Variants in PEG3 observed in about 807,000 individuals in gnomAD.
PEG3 encodes paternally expressed 3, also known as paternally-expressed gene 3 protein.
PEG3 carries 23 observed loss-of-function variants against 35.5 expected under a neutral mutation model. The observed-to-expected ratio is 0.65, with a 90% CI of 0.47 to 0.92. The LOEUF is 0.92. Ranked by LOEUF, PEG3 falls within the 40% of genes least tolerant of loss-of-function variation. The pLI, the probability that PEG3 is intolerant of heterozygous loss-of-function variation, is 0.00. For synonymous variants in PEG3, 707 were observed against 697.0 expected (o/e 1.01, Z -0.23); for missense variants, 1,960 against 1,985.3 (o/e 0.99, Z 0.24).
In PEG3 at chr19:56,810,857, T is replaced by C; in HGVS notation, c.*2818A>G. 1 of 967,314 alleles carries C rather than the reference T, an allele frequency of 1.0e-6. No individual in the cohort carries two copies. The highest frequency in any genetic ancestry group is 1.2e-6 in the Non-Finnish European group (1 of 813,454). The allele number at this position is 967,314 out of a possible 1,614,324, so 59.9% of individuals were successfully genotyped here. ...AAATAATTTACTTTATTTTCTAATT[T>C]TTCCTCTGGGTATGTATTATGCACA... On this transcript the variant is annotated 3_prime_UTR_variant, in exon 10 of 10. Transcript: ENST00000326441.
In PEG3 at chr19:56,815,938, A is replaced by G. The variant is rs2059936621; in HGVS notation, c.2504T>C (p.Ile835Thr). ...SEGREYSRSV[I>T]HSLVASKPPR... The stretch of plus-strand genomic sequence containing the variant: ...AGGTTTGGAAGCCACTAAGCTATGG[A>G]TAACAGACCTACTGTATTCCCTTCC... Residue 835 changes from isoleucine to threonine, a missense_variant, in exon 10 of 10, where the codon ATC (isoleucine) becomes ACC (threonine). Around this residue, in one of 5 missense-constraint regions of PEG3, gnomAD observed 798 missense variants for 782.4 expected, o/e 1.02. Coordinates refer to ENST00000326441, the MANE Select transcript of PEG3 (RefSeq NM_006210.3). The G allele has an allele frequency of 5.6e-6, 9 of 1,603,968 alleles. No individual in the cohort carries two copies. The highest frequency in any genetic ancestry group is 1.1e-5 in the South Asian group (1 of 89,252).
chr19:56,839,537 C>A lies in PEG3; in HGVS notation c.-250+1045G>T, dbSNP rs911557968. 1.4e-4 allele frequency among the ~76,000 whole-genome samples: 21 copies of A among 152,018 alleles called. 1 individual carries two copies. Among genetic ancestry groups the A allele is most frequent in the Admixed American group, 9.2e-4 (14 of 15,284 alleles). On this transcript the variant is annotated intron_variant, in intron 1 of 9. Coordinates refer to ENST00000326441, the MANE Select transcript of PEG3 (RefSeq NM_006210.3). ...CTGCGCAGCAAACCTCAGCAGCCCC[C>A]ATCAAACATGGCGTCAAAGCGGGCG...
Position 56,813,577 on chromosome 19 carries a change from A to C in PEG3, c.*98T>G, listed in dbSNP as rs2059689795. Reference sequence around the variant, plus strand: ...TCAGGTGTGTAACACACTAAGGTTAAGTCTCCTACTGACATTATCATGGAT... The same window carrying C: ...TCAGGTGTGTAACACACTAAGGTTACGTCTCCTACTGACATTATCATGGAT... On this transcript the variant is annotated 3_prime_UTR_variant, in exon 10 of 10. Coordinates refer to ENST00000326441, the MANE Select transcript of PEG3 (RefSeq NM_006210.3). The C allele has an allele frequency of 3.4e-6, 5 of 1,475,736 alleles. No individual in the cohort carries two copies. The highest frequency in any genetic ancestry group is 1.4e-5 in the South Asian group (1 of 71,278). The allele number at this position is 1,475,736 out of a possible 1,614,324, so 91.4% of individuals were successfully genotyped here.
chr19:56,816,958 A>G lies in PEG3; in HGVS notation c.1484T>C (p.Val495Ala). 1 of 1,614,096 alleles carries G rather than the reference A, an allele frequency of 6.2e-7. No homozygotes were observed. Among genetic ancestry groups the G allele is most frequent in the Middle Eastern group, 1.6e-4 (1 of 6,062 alleles). ...SFIHSVAVSE[V>A]QKSQVGGKRF... ...TTTCCCTCCAACCTGACTTTTCTGAACTTCACTGACAGCCACACTGTGGAT... is the reference window on the plus strand; with the variant it reads ...TTTCCCTCCAACCTGACTTTTCTGAGCTTCACTGACAGCCACACTGTGGAT... Residue 495 changes from valine to alanine, a missense_variant, in exon 10 of 10, where the codon GTT becomes GCT. Physicochemically the swap from Val to Ala is moderately conservative, Grantham distance 64. Coordinates refer to ENST00000326441, the MANE Select transcript of PEG3 (RefSeq NM_006210.3).
intron 7 of PEG3, among the ~76,000 whole-genome samples, chr19:56,821,135 T>C (rs1019824426): frequency 2.0e-5 from 3 of 152,260 alleles, no homozygotes; most frequent in African/African-American, 7.2e-5. Flanking sequence ...TGAGTGACTT[T>C]TCACAGCAGC....
chr19:56,824,761 A>T lies in PEG3; in HGVS notation c.-86-20T>A. 1 of 1,087,754 alleles carries T rather than the reference A, an allele frequency of 9.2e-7. No homozygotes were observed. Among genetic ancestry groups the T allele is most frequent in the South Asian group, 1.6e-5 (1 of 62,764 alleles). The allele number at this position is 1,087,754 out of a possible 1,614,324, so 67.4% of individuals were successfully genotyped here. ...AGGGACCTGTGGATCGTAAGGAGAT[A>T]TACACATGTCCCAGAAGTTGAAGAC... On this transcript the variant is annotated intron_variant, in intron 3 of 9. Transcript: ENST00000326441.
At chr19:56,839,511 C>G (rs1230350733) in intron 1 of PEG3, among the ~76,000 whole-genome samples, 1 of 151,878 alleles carries the variant, frequency 6.6e-6, no homozygotes, top group South Asian at 2.1e-4. Context: ...CAGGGGAGCA[C>G]CTGCGCAGCA....
chr19:56,816,393 C>G lies in PEG3; in HGVS notation c.2049G>C (p.Lys683Asn), dbSNP rs1417245326. ...CCCGGCCATCTGTAAAGTCACAGAG[C>G]TTCTCCTTATTGTAAGTTTTCTGAC... is the stretch of plus-strand genomic sequence containing the variant. Reference protein sequence around the residue: ...KRRQKTYNKEKLCDFTDGRDA... With the variant: ...KRRQKTYNKENLCDFTDGRDA... The change falls in exon 10 of 10, where the codon AAG becomes AAC. Residue 683 changes from lysine (K) to asparagine (N), a missense_variant. Coordinates refer to ENST00000326441, the MANE Select transcript of PEG3 (RefSeq NM_006210.3). 6.2e-7 allele frequency: 1 copy of G among 1,613,998 alleles called. No homozygotes were observed. Among genetic ancestry groups the G allele is most frequent in the Non-Finnish European group, 8.5e-7 (1 of 1,179,898 alleles).
chr19:56,820,415 A>G (rs931365525), intron 7 of PEG3, among the ~76,000 whole-genome samples: 36 of 152,188 alleles, frequency 2.4e-4, no homozygotes, highest in Non-Finnish European at 2.9e-5. Flanking sequence ...TTCTTCACAC[A>G]TTGTCAAGGA....
chr19:56,812,303 C>A lies in PEG3; in HGVS notation c.*1372G>T. On this transcript the variant is annotated 3_prime_UTR_variant, in exon 10 of 10. Coordinates refer to ENST00000326441, the MANE Select transcript of PEG3 (RefSeq NM_006210.3). ...TAAAAGAATACTAAGATTAGATGAA[C>A]ACAACACTCAGAAATACTCTAGGAG... 1.0e-6 allele frequency: 1 copy of A among 982,102 alleles called. No individual in the cohort carries two copies. The highest frequency in any genetic ancestry group is 1.2e-6 in the Non-Finnish European group (1 of 827,180). 60.8% of individuals were successfully genotyped at this position (982,102 alleles called of 1,614,324 possible). A position where few individuals can be genotyped will look rare whatever the true frequency, so the allele number is the denominator to read the frequency against.
At position 56,810,345 on chromosome 19, in the gene PEG3, T is replaced by C. The variant is rs1025434941; in HGVS notation, c.*3330A>G. ...ACCAAAACACTAGAATGATGACCTT[T>C]CAAGGAAACCGAAACAAAATAACCA... On this transcript the variant is annotated 3_prime_UTR_variant, in exon 10 of 10. Transcript: ENST00000326441. 71 of 985,244 alleles carry C rather than the reference T, an allele frequency of 7.2e-5. No homozygotes were observed. In the African/African-American group the frequency reaches 1.2e-3, roughly 16 times the overall value. The allele number at this position is 985,244 out of a possible 1,614,324, so 61.0% of individuals were successfully genotyped here.
chr19:56,815,085 G>A lies in PEG3; in HGVS notation c.3357C>T (p.Leu1119=). The A allele has an allele frequency of 6.2e-7, 1 of 1,613,820 alleles. No individual in the cohort carries two copies. The highest frequency in any genetic ancestry group is 8.5e-7 in the Non-Finnish European group (1 of 1,179,806). ...CTTTCTGATGGTCTGTGAGGTCTGTGAGATCCACAAAGCCCAGGCCACAGT... is the reference window on the plus strand; with the variant it reads ...CTTTCTGATGGTCTGTGAGGTCTGTAAGATCCACAAAGCCCAGGCCACAGT... ...CEDCGLGFVD[L]TDLTDHQKVH... Residue 1119 remains leucine, a synonymous_variant, in exon 10 of 10, where the codon CTC becomes CTT. Coordinates refer to ENST00000326441, the MANE Select transcript of PEG3 (RefSeq NM_006210.3).
intron 9 of PEG3, 31 bp from the exon 10 acceptor site, chr19:56,817,610 C>G (rs1159547430): frequency 6.4e-7 from 1 of 1,562,228 alleles, no homozygotes; most frequent in African/African-American, 1.4e-5. Flanking sequence ...TAAATACTCC[C>G]TAGTCCCCAT....
At position 56,824,421 on chromosome 19, in the gene PEG3, T is replaced by C. The variant is rs1254639627; in HGVS notation, c.235A>G (p.Thr79Ala). The C allele has an allele frequency of 6.2e-7, 1 of 1,613,876 alleles. No individual in the cohort carries two copies. Among genetic ancestry groups the C allele is most frequent in the Non-Finnish European group, 8.5e-7 (1 of 1,180,002 alleles). The part of the protein sequence containing the change: ...NLCLDWLQPE[T>A]RTKEEIIELL... Reference sequence around the variant, plus strand: ...TCGATGATCTCCTCCTTGGTGCGGGTCTCCGGCTGCAACCAATCGAGGCAG... The same window carrying C: ...TCGATGATCTCCTCCTTGGTGCGGGCCTCCGGCTGCAACCAATCGAGGCAG... The change falls in exon 4 of 10, where the codon ACC (threonine) becomes GCC (alanine). Residue 79 changes from threonine (T) to alanine (A), a missense_variant. Thr to Ala is a moderately conservative substitution (Grantham distance 58, BLOSUM62 0). Around this residue, in one of 5 missense-constraint regions of PEG3, gnomAD observed 613 missense variants for 577.1 expected, o/e 1.06. Coordinates refer to ENST00000326441, the MANE Select transcript of PEG3 (RefSeq NM_006210.3).
At chr19:56,834,295 C>T (rs927788491) in intron 2 of PEG3, among the ~76,000 whole-genome samples, 2 of 152,112 alleles carry the variant, frequency 1.3e-5, no homozygotes, top group African/African-American at 4.8e-5. Context: ...AGATAAGGGG[C>T]TTCCGATATC....
At chr19:56,833,459 G>A (rs957774964) in intron 2 of PEG3, 5 of 313,500 alleles carry the variant, frequency 1.6e-5, no homozygotes, top group African/African-American at 1.1e-4. Flanking sequence ...CGCACATGGA[G>A]TAAGATGCTG....
chr19:56,822,352 C>T lies in PEG3; in HGVS notation c.565+401G>A, dbSNP rs569971381. On this transcript the variant is annotated intron_variant, in intron 6 of 9. Transcript: ENST00000326441. Reference sequence around the variant, plus strand: ...GGCCTGGTGCTCAGATGTGGCACTTCCCTAACACTGCAGGAAGTCATGGCA... The same window carrying T: ...GGCCTGGTGCTCAGATGTGGCACTTTCCTAACACTGCAGGAAGTCATGGCA... 6.3e-4 allele frequency: 121 copies of T among 192,788 alleles called. 1 individual carries two copies. The highest frequency in any genetic ancestry group is 2.7e-3 in the African/African-American group (113 of 42,570). 11.9% of individuals were successfully genotyped at this position (192,788 alleles called of 1,614,324 possible). A position where few individuals can be genotyped will look rare whatever the true frequency, so the allele number is the denominator to read the frequency against.
rs2059562448 is a variant in PEG3, at chr19:56,811,821, T to G, written c.*1854A>C. 1.0e-6 allele frequency: 1 copy of G among 985,600 alleles called. No individual in the cohort carries two copies. Among genetic ancestry groups the G allele is most frequent in the African/African-American group, 1.7e-5 (1 of 57,382 alleles). The allele number at this position is 985,600 out of a possible 1,614,324, so 61.1% of individuals were successfully genotyped here. The stretch of plus-strand genomic sequence containing the variant: ...AAACTGCTCAGGACACCCCGCTCAA[T>G]TCATTCTCAGAAACCTGGCCTTCTA... On this transcript the variant is annotated 3_prime_UTR_variant, in exon 10 of 10. Transcript: ENST00000326441.
chr19:56,812,805 A>C lies in PEG3; in HGVS notation c.*870T>G. The C allele has an allele frequency of 1.0e-6, 1 of 954,946 alleles. No individual in the cohort carries two copies. Among genetic ancestry groups the C allele is most frequent in the Non-Finnish European group, 1.2e-6 (1 of 817,748 alleles). 59.2% of individuals were successfully genotyped at this position (954,946 alleles called of 1,614,324 possible). On this transcript the variant is annotated 3_prime_UTR_variant, in exon 10 of 10. Coordinates refer to ENST00000326441, the MANE Select transcript of PEG3 (RefSeq NM_006210.3). ...TTATCAATTCACTATCATCAAACAC[A>C]TATTGAGTTGGTTAAAAAAAAAAAA... is the stretch of plus-strand genomic sequence containing the variant.
Sources: gnomAD v4.1 joint callset for allele counts (sites outside exome capture counted in the v4.1 genomes callset) on GRCh38, gnomAD v4.1.1 for gene constraint, gnomAD v4.1.1 regional missense constraint, MANE v1.5 for transcripts, NCBI Gene and HGNC (gene_info 2026-07-23, HGNC 2026-07-21) for gene names.